The following UBE2W variants were observed in gnomAD, a reference collection of about 807,000 sequenced individuals.
UBE2W encodes the protein ubiquitin conjugating enzyme E2 W.
In UBE2W, 18 loss-of-function variants were observed where a neutral mutation model predicts 27.2. The ratio of observed to expected loss-of-function variants is 0.66; its 90% CI spans 0.46 to 0.98. UBE2W has a LOEUF of 0.98. Among genes scored for constraint, UBE2W ranks in the 50% least tolerant of loss-of-function variants. The probability of loss-of-function intolerance (pLI) is 0.00; values close to 1 mark genes in which losing one functional copy is unlikely to be tolerated. For synonymous variants in UBE2W, 53 were observed against 57.2 expected (o/e 0.93, Z 0.33); for missense variants, 90 against 180.2 (o/e 0.50, Z 2.87).
At position 73,805,990 on chromosome 8, in the gene UBE2W, T is replaced by TA. The variant is rs371579434; in HGVS notation, c.367-265dup. ...CAACATGGTGAAACCCAGTCTCTAC[T>TA]AAAAATACAAAAAAATTAGCTGGGC... is the stretch of plus-strand genomic sequence containing the variant. On this transcript the variant is annotated intron_variant, in intron 4 of 5. Coordinates refer to ENST00000602593, the MANE Select transcript of UBE2W (RefSeq NM_018299.6). Among the ~76,000 whole-genome samples, 1,061 of 152,134 alleles carry TA rather than the reference T, an allele frequency of 7.0e-3. 20 individuals are homozygous for TA. The highest frequency in any genetic ancestry group is 0.025 in the African/African-American group (1,023 of 41,496).
At chr8:73,825,053 G>C (rs541480576) in intron 3 of UBE2W, 94 bp downstream of exon 3, 7 of 715,006 alleles carry the variant, frequency 9.8e-6, no homozygotes, top group Non-Finnish European at 1.6e-5. Flanking sequence ...ATCTACATAC[G>C]TATAACTGAT....
rs193037382 is a variant in UBE2W at position 73,823,466 on chromosome 8, A to G, written c.210+1681T>C. 1.3e-3 allele frequency among the ~76,000 whole-genome samples: 204 copies of G among 152,292 alleles called. 2 individuals are homozygous for G. Among genetic ancestry groups the G allele is most frequent in the African/African-American group, 4.6e-3 (193 of 41,572 alleles). On this transcript the variant is annotated intron_variant, in intron 3 of 5. Coordinates refer to ENST00000602593, the MANE Select transcript of UBE2W (RefSeq NM_018299.6). ...GTCAAAAGCTTTTGAATTGGTGTGA[A>G]ATATTCTTCCTTCCCATACCATCAT...
chr8:73,847,310 A>C (rs369000074), intron 1 of UBE2W, among the ~76,000 whole-genome samples: 1 of 152,228 alleles, frequency 6.6e-6, no homozygotes, highest in African/African-American at 2.4e-5. Flanking sequence ...CCACACTACA[A>C]TAAGTAATGG....
chr8:73,864,324 G>A (rs769585359), intron 1 of UBE2W, among the ~76,000 whole-genome samples: 29 of 152,174 alleles, frequency 1.9e-4, no homozygotes, highest in Non-Finnish European at 1.0e-4. Flanking sequence ...AACCTGGGAG[G>A]TTGCAGAAAG....
chr8:73,850,909 G>C (rs1586522690), intron 1 of UBE2W, among the ~76,000 whole-genome samples: 1 of 151,900 alleles, frequency 6.6e-6, no homozygotes, highest in East Asian at 1.9e-4. Context: ...GCCCAGGCTG[G>C]AGTACAGTGG....
chr8:73,799,022 A>G (rs1808533288), intron 5 of UBE2W, among the ~76,000 whole-genome samples: 1 of 152,100 alleles, frequency 6.6e-6, no homozygotes, highest in Non-Finnish European at 1.5e-5. Flanking sequence ...GGCAATGAAT[A>G]AATTTGCATT....
chr8:73,796,523 G>A (rs561651426), intron 5 of UBE2W: 79 of 469,546 alleles, frequency 1.7e-4, no homozygotes, highest in African/African-American at 1.3e-3. Context: ...TCTGTAGAAC[G>A]TGCTACCAAA....
chr8:73,826,564 G>C (rs536320976), intron 2 of UBE2W, among the ~76,000 whole-genome samples: 17 of 152,278 alleles, frequency 1.1e-4, no homozygotes, highest in African/African-American at 3.9e-4. Context: ...AAAGAAATCA[G>C]CTACAGTATA....
chr8:73,868,301 T>C (rs1214944079), intron 1 of UBE2W, among the ~76,000 whole-genome samples: 2 of 152,146 alleles, frequency 1.3e-5, no homozygotes, highest in African/African-American at 4.8e-5. Flanking sequence ...AAAGGAGAGT[T>C]TGGAGAGCTT....
At chr8:73,868,679 C>T (rs1350291090) in intron 1 of UBE2W, among the ~76,000 whole-genome samples, 3 of 148,210 alleles carry the variant, frequency 2.0e-5, no homozygotes, top group Non-Finnish European at 4.4e-5. Context: ...GAACACCCAG[C>T]TGGTGTTGAA....
chr8:73,871,842 A>G (rs1812019446), intron 1 of UBE2W, among the ~76,000 whole-genome samples: 1 of 152,100 alleles, frequency 6.6e-6, no homozygotes, highest in African/African-American at 2.4e-5. Context: ...TTTTTGAGAC[A>G]GGGTCTCACT....
At chr8:73,875,662 T>A (rs201127244) in intron 1 of UBE2W, among the ~76,000 whole-genome samples, 1 of 152,228 alleles carries the variant, frequency 6.6e-6, no homozygotes. Flanking sequence ...CATTCCATGT[T>A]ACAGCTTATT....
chr8:73,807,852 G>T (rs564669160), intron 4 of UBE2W, among the ~76,000 whole-genome samples: 28 of 152,230 alleles, frequency 1.8e-4, no homozygotes, highest in Non-Finnish European at 5.9e-5. Flanking sequence ...TCTTGGAAAA[G>T]AAACTATACA....
intron 1 of UBE2W, among the ~76,000 whole-genome samples, chr8:73,869,129 C>T (rs1476358115): frequency 6.6e-6 from 1 of 152,196 alleles, no homozygotes; most frequent in Non-Finnish European, 1.5e-5. Flanking sequence ...ATGGATGAAC[C>T]TCAGAAACAT....
chr8:73,862,392 A>G (rs1024399441), intron 1 of UBE2W, among the ~76,000 whole-genome samples: 27 of 152,198 alleles, frequency 1.8e-4, no homozygotes, highest in African/African-American at 6.5e-4. Context: ...CAGTTTTCCC[A>G]GCACCATTTA....
At chr8:73,827,047 G>A (rs1025302073) in intron 2 of UBE2W, among the ~76,000 whole-genome samples, 8 of 152,114 alleles carry the variant, frequency 5.3e-5, no homozygotes, top group Non-Finnish European at 8.8e-5. Context: ...TGTTTATATG[G>A]TAATTTTAGG....
At chr8:73,876,643 A>G (rs1300566586) in intron 1 of UBE2W, among the ~76,000 whole-genome samples, 1 of 152,208 alleles carries the variant, frequency 6.6e-6, no homozygotes, top group Non-Finnish European at 1.5e-5. Flanking sequence ...GCACTATTGC[A>G]CTGTCAATCA....
chr8:73,818,378 T>G (rs1178986319), intron 3 of UBE2W, among the ~76,000 whole-genome samples: 4 of 152,184 alleles, frequency 2.6e-5, no homozygotes, highest in African/African-American at 4.8e-5. Context: ...GCCTATCTGA[T>G]CTCCCTGCAC....
At position 73,790,608 on chromosome 8, in the gene UBE2W, G is replaced by A. The variant is rs992259037; in HGVS notation, c.*3494C>T. 1 of 984,890 alleles carries A rather than the reference G, an allele frequency of 1.0e-6. No individual in the cohort carries two copies. The highest frequency in any genetic ancestry group is 1.7e-5 in the African/African-American group (1 of 57,202). The allele number at this position is 984,890 out of a possible 1,614,324, so 61.0% of individuals were successfully genotyped here. ...AAGCAGCAGTAACCATAAAGGCTTA[G>A]AACTAGTGACACTGAATTCTTTATT... On this transcript the variant is annotated 3_prime_UTR_variant, in exon 6 of 6. Transcript: ENST00000602593.
Sources: gnomAD v4.1 joint callset for allele counts (sites outside exome capture counted in the v4.1 genomes callset) on GRCh38, gnomAD v4.1.1 for gene constraint, MANE v1.5 for transcripts, NCBI Gene and HGNC (gene_info 2026-07-23, HGNC 2026-07-21) for gene names.